RDH13: variants seen among roughly 807,000 people sequenced by gnomAD.
RDH13 encodes retinol dehydrogenase 13, also known as retinol dehydrogenase 13 (all-trans and 9-cis).
RDH13 carries 35 observed loss-of-function variants against 28.3 expected under a neutral mutation model. The observed-to-expected ratio is 1.24, with a 90% CI of 0.95 to 1.64. RDH13 has a LOEUF of 1.64. Ranked by LOEUF, RDH13 falls within the 40% of genes most tolerant of loss-of-function variation. The pLI, the probability that RDH13 is intolerant of heterozygous loss-of-function variation, is 0.00. For missense variants in RDH13, 514 were observed against 446.3 expected, an observed-to-expected ratio of 1.15 and a Z score of -1.37; for synonymous variants, 229 against 198.5, an observed-to-expected ratio of 1.15 and a Z score of -1.29.
intron 1 of RDH13, among the ~76,000 whole-genome samples, chr19:55,061,812 T>C (rs114894686): frequency 0.011 from 1,502 of 142,718 alleles, 43 homozygotes; most frequent in African/African-American, 0.037. Context: ...AAAGACTACA[T>C]GATAATCATA....
At chr19:55,064,417 C>G (rs1032133844), upstream of RDH13, 6 of 140,188 alleles carry the variant, frequency 4.3e-5, no homozygotes, top group African/African-American at 1.6e-4. Context: ...GAAATTCTGT[C>G]AAAAAAAAAA....
intron 1 of RDH13, among the ~76,000 whole-genome samples, chr19:55,060,448 C>G (rs1220949083): frequency 6.6e-6 from 1 of 152,186 alleles, no homozygotes; most frequent in Non-Finnish European, 1.5e-5. Context: ...ATGGTTTTTG[C>G]TGACCTCATT....
In RDH13 at chr19:55,048,660, C is replaced by T. The variant is rs2075323575; in HGVS notation, c.444G>A (p.Leu148=). 2 of 1,613,650 alleles carry T rather than the reference C, an allele frequency of 1.2e-6. No individual in the cohort carries two copies. The highest frequency in any genetic ancestry group is 1.1e-5 in the South Asian group (1 of 91,062). Residue 148 remains leucine, a splice_region_variant and synonymous_variant, in exon 4 of 7, where the codon CTG becomes CTA. Coordinates refer to ENST00000415061, the MANE Select transcript of RDH13 (RefSeq NM_001145971.2). ...GTGCAGCCCCTGCCCAGGCCTCACCCAGGTGGTTAACGCCAAACTGCATCT... is the reference window on the plus strand; with the variant it reads ...GTGCAGCCCCTGCCCAGGCCTCACCTAGGTGGTTAACGCCAAACTGCATCT... ...GFEMQFGVNH[L]GHFLLTNLLL...
At chr19:55,064,800 AC>A (rs1427702000), upstream of RDH13, among the ~76,000 whole-genome samples, 4 of 149,848 alleles carry the variant, frequency 2.7e-5, no homozygotes, top group Non-Finnish European at 5.9e-5. Flanking sequence ...TTTAGTAGAG[AC>A]GGGGTTTCAC....
intron 1 of RDH13, 107 bp downstream of exon 1, chr19:55,062,861 C>G (rs1297535246): frequency 9.8e-7 from 1 of 1,019,306 alleles, no homozygotes. Context: ...GGGTCGGGAG[C>G]TACGGGGCCT....
At chr19:55,052,854 G>A (rs2075497670) in intron 3 of RDH13, among the ~76,000 whole-genome samples, 1 of 151,822 alleles carries the variant, frequency 6.6e-6, no homozygotes, top group African/African-American at 2.4e-5. Flanking sequence ...AGTAGACACG[G>A]GGTTTCACCG....
At chr19:55,057,047 G>A (rs1384690548) in intron 2 of RDH13, among the ~76,000 whole-genome samples, 1 of 152,164 alleles carries the variant, frequency 6.6e-6, no homozygotes, top group Non-Finnish European at 1.5e-5. Context: ...TGAAGCACTG[G>A]CTCATGCTAC....
In RDH13 at chr19:55,056,401, T is replaced by C. The variant is rs187224676; in HGVS notation, c.340+252A>G. Among the ~76,000 whole-genome samples, 28 of 152,186 alleles carry C rather than the reference T, an allele frequency of 1.8e-4. No homozygotes were observed. The East Asian group carries it at 5.4e-3, about 29-fold the overall frequency. On this transcript the variant is annotated intron_variant, in intron 3 of 6. Transcript: ENST00000415061. ...TGAACCCAGGAGGCAGAGGTTACAG[T>C]GAGCCGAGATCGCGCCATTGCACTC...
At position 55,063,070 on chromosome 19, in the gene RDH13, C is replaced by G. The variant is rs773126669; in HGVS notation, c.-38G>C. The stretch of plus-strand genomic sequence containing the variant: ...ACAGGCGTCAGGCGTCAGGGGTCGG[C>G]GCGGAGCTTGCTGCACACCAGCCGC... On this transcript the variant is annotated 5_prime_UTR_variant, in exon 1 of 7. Transcript: ENST00000415061. 8.9e-7 allele frequency: 1 copy of G among 1,128,522 alleles called. No individual in the cohort carries two copies. The highest frequency in any genetic ancestry group is 1.1e-6 in the Non-Finnish European group (1 of 898,178). The allele number at this position is 1,128,522 out of a possible 1,614,324, so 69.9% of individuals were successfully genotyped here.
chr19:55,059,123 ATC>A (rs769535374), intron 2 of RDH13, 32 bp downstream of exon 2: 2 of 1,370,852 alleles, frequency 1.5e-6, no homozygotes, highest in African/African-American at 2.9e-5. Context: ...ATGTACAGAT[ATC>A]TCTCTGAGAG....
chr19:55,057,179 A>T (rs1351098197), intron 2 of RDH13, among the ~76,000 whole-genome samples: 1 of 152,214 alleles, frequency 6.6e-6, no homozygotes, highest in Non-Finnish European at 1.5e-5. Flanking sequence ...TGAAACGCCC[A>T]GAATAGGCAA....
chr19:55,042,040 A>G (rs929585423), downstream of RDH13: 2 of 151,154 alleles, frequency 1.3e-5, no homozygotes, highest in African/African-American at 2.4e-5. Flanking sequence ...GCGGACAGCT[A>G]TGGCTGATGA....
intron 3 of RDH13, among the ~76,000 whole-genome samples, chr19:55,051,826 G>A (rs2075448902): frequency 6.6e-6 from 1 of 151,814 alleles, no homozygotes; most frequent in Non-Finnish European, 1.5e-5. Flanking sequence ...TCCGCCGCCA[G>A]GGCTCAAACG....
At chr19:55,069,271 C>G (rs2076018538) in intron 1 of RDH13, 1 of 151,944 alleles carries the variant, frequency 6.6e-6, no homozygotes, top group Non-Finnish European at 1.5e-5. Context: ...CCTCTCCCCG[C>G]ACTCTCACCA....
At chr19:55,057,834 TCTCA>T (rs947183333) in intron 2 of RDH13, among the ~76,000 whole-genome samples, 2 of 148,676 alleles carry the variant, frequency 1.3e-5, no homozygotes, top group Non-Finnish European at 1.5e-5. Context: ...TTTGAGTCAG[TCTCA>T]CTCTGCTGCC....
At chr19:55,068,051 CTCTT>C (rs1293559670), upstream of RDH13, among the ~76,000 whole-genome samples, 1 of 148,242 alleles carries the variant, frequency 6.7e-6, no homozygotes. Context: ...TTCTCTCTCT[CTCTT>C]TCTCCCCCAT....
rs752136335 is a variant in RDH13, at chr19:55,048,754, C to T, written c.350G>A (p.Arg117Gln). ...CGCGTTGTTGATTAGAATGTCCACT[C>T]GCTCCTCCTCTGGAAGAGAGGGGTG... ...FAAKIIEEEE[R>Q]VDILINNAGV... The change falls in exon 4 of 7, where the codon CGA (arginine) becomes CAA (glutamine). Residue 117 changes from arginine (R) to glutamine (Q), a missense_variant. By Grantham distance (43) the Arg-to-Gln change is conservative. Transcript: ENST00000415061. 11 of 1,613,660 alleles carry T rather than the reference C, an allele frequency of 6.8e-6. No individual in the cohort carries two copies. Among genetic ancestry groups the T allele is most frequent in the African/African-American group, 4.0e-5 (3 of 74,778 alleles).
rs2075740415 is a variant in RDH13 at position 55,059,362 on chromosome 19, T to C, written c.66-87A>G. 4 of 819,278 alleles carry C rather than the reference T, an allele frequency of 4.9e-6. No individual in the cohort carries two copies. In the South Asian group the frequency reaches 6.2e-5, roughly 13 times the overall value. The allele number at this position is 819,278 out of a possible 1,614,324, so 50.8% of individuals were successfully genotyped here. On this transcript the variant is annotated intron_variant, in intron 1 of 6. Coordinates refer to ENST00000415061, the MANE Select transcript of RDH13 (RefSeq NM_001145971.2). ...CTGAATGATCTCAGGCAACCTTGTC[T>C]GAGCTCACTCACATACCCCAACTGA...
At chr19:55,062,885 A>G in intron 1 of RDH13, 83 bp downstream of exon 1, 7 of 1,202,672 alleles carry the variant, frequency 5.8e-6, no homozygotes, top group Non-Finnish European at 7.6e-6. Flanking sequence ...CCCGGGTGCG[A>G]GGGGCGGGGG....
Sources: gnomAD v4.1 joint callset for allele counts (sites outside exome capture counted in the v4.1 genomes callset) on GRCh38, gnomAD v4.1.1 for gene constraint, MANE v1.5 for transcripts, NCBI Gene and HGNC (gene_info 2026-07-23, HGNC 2026-07-21) for gene names.